Variants in CTNNA3 observed in about 807,000 individuals in gnomAD.
CTNNA3 encodes the protein catenin alpha-3.
In CTNNA3, 76 loss-of-function variants were observed where a neutral mutation model predicts 95.7. That is an observed-to-expected ratio of 0.79 (90% CI 0.66 to 0.96). The LOEUF is 0.96. CTNNA3 is among the 40% of genes least tolerant of loss of function. The pLI, the probability that CTNNA3 is intolerant of heterozygous loss-of-function variation, is 0.00. For synonymous variants in CTNNA3, 431 were observed against 374.4 expected (o/e 1.15, Z -1.74); for missense variants, 1,191 against 1,089.8 (o/e 1.09, Z -1.31).
intron 7 of CTNNA3, among the ~76,000 whole-genome samples, chr10:66,902,671 T>C (rs983309083): frequency 6.6e-6 from 1 of 152,020 alleles, no homozygotes; most frequent in Non-Finnish European, 1.5e-5. Flanking sequence ...AAGAATCAAA[T>C]AGATGCAATA....
intron 2 of CTNNA3, among the ~76,000 whole-genome samples, chr10:67,646,476 T>C (rs1839717275): frequency 1.3e-5 from 2 of 152,114 alleles, no homozygotes; most frequent in South Asian, 4.1e-4. Flanking sequence ...TGTTTTGAAT[T>C]GTCTTTCGAG....
At chr10:67,451,269 T>C (rs986361016) in intron 5 of CTNNA3, among the ~76,000 whole-genome samples, 1 of 152,082 alleles carries the variant, frequency 6.6e-6, no homozygotes, top group Non-Finnish European at 1.5e-5. Context: ...GCCAAATAAA[T>C]ATGTTTTCTT....
intron 14 of CTNNA3, among the ~76,000 whole-genome samples, chr10:66,074,388 A>C (rs1168543054): frequency 6.6e-6 from 1 of 151,958 alleles, no homozygotes; most frequent in African/African-American, 2.4e-5. Context: ...GAATGGAATT[A>C]GTACATCACA....
At chr10:67,232,156 G>C (rs1865242604) in intron 5 of CTNNA3, among the ~76,000 whole-genome samples, 1 of 152,040 alleles carries the variant, frequency 6.6e-6, no homozygotes, top group Non-Finnish European at 1.5e-5. Flanking sequence ...AGGAAATACA[G>C]AGAACGCCAC....
chr10:67,594,731 T>TAA (rs1002662748), intron 3 of CTNNA3, among the ~76,000 whole-genome samples: 2 of 152,170 alleles, frequency 1.3e-5, no homozygotes, highest in Non-Finnish European at 2.9e-5. Context: ...TTTTATTTTT[T>TAA]AAAAAAATTA....
Position 65,975,583 on chromosome 10 carries a change from C to T in CTNNA3, c.2266-8837G>A, listed in dbSNP as rs906214210. Among the ~76,000 whole-genome samples, 8 of 152,184 alleles carry T rather than the reference C, an allele frequency of 5.3e-5. No individual in the cohort carries two copies. In the South Asian group the frequency reaches 1.7e-3, roughly 32 times the overall value. ...TTTACAGATGTGAAATTACCTAAAA[C>T]GATGAAAAACAAGTCATCTCTTTGT... On this transcript the variant is annotated intron_variant, in intron 16 of 17. Coordinates refer to ENST00000433211, the MANE Select transcript of CTNNA3 (RefSeq NM_013266.4).
At chr10:67,549,974 A>C (rs1840967182) in intron 3 of CTNNA3, among the ~76,000 whole-genome samples, 1 of 152,188 alleles carries the variant, frequency 6.6e-6, no homozygotes, top group Non-Finnish European at 1.5e-5. Context: ...TGAACTAATA[A>C]AATTCATAAT....
At chr10:65,922,119 C>T (rs1166458362) in intron 17 of CTNNA3, among the ~76,000 whole-genome samples, 1 of 152,152 alleles carries the variant, frequency 6.6e-6, no homozygotes, top group Non-Finnish European at 1.5e-5. Context: ...TCTGGTTCTA[C>T]CTTGCGTTTT....
intron 3 of CTNNA3, among the ~76,000 whole-genome samples, chr10:67,561,953 T>C (rs1162132669): frequency 6.6e-6 from 1 of 152,070 alleles, no homozygotes; most frequent in Non-Finnish European, 1.5e-5. Context: ...AAGTTGAATC[T>C]CTGAATAGAC....
At chr10:66,980,776 A>G (rs913550445) in intron 7 of CTNNA3, among the ~76,000 whole-genome samples, 1 of 152,206 alleles carries the variant, frequency 6.6e-6, no homozygotes, top group African/African-American at 2.4e-5. Context: ...GACAACCTTC[A>G]TGTACAAGAG....
intron 1 of CTNNA3, among the ~76,000 whole-genome samples, chr10:67,682,158 C>CAAA (rs1042799163): frequency 9.6e-6 from 1 of 103,724 alleles, no homozygotes; most frequent in African/African-American, 3.6e-5. Context: ...AACCCCGTCT[C>CAAA]AAAAAAAAAA....
chr10:67,072,053 C>T (rs1440061302), intron 7 of CTNNA3, among the ~76,000 whole-genome samples: 2 of 152,140 alleles, frequency 1.3e-5, no homozygotes, highest in East Asian at 1.9e-4. Flanking sequence ...CCCAGGTTCA[C>T]GTGATTCTCA....
chr10:66,429,412 C>A (rs2093274735), intron 11 of CTNNA3, among the ~76,000 whole-genome samples: 1 of 142,644 alleles, frequency 7.0e-6, no homozygotes, highest in Non-Finnish European at 1.5e-5. Flanking sequence ...ATGAGGCCAG[C>A]ATCATCCTGA....
At chr10:67,673,662 T>C (rs1795827812) in intron 1 of CTNNA3, among the ~76,000 whole-genome samples, 1 of 149,614 alleles carries the variant, frequency 6.7e-6, no homozygotes, top group Admixed American at 6.6e-5. Context: ...CTGGATTACA[T>C]TTATTGATTT....
chr10:67,087,980 T>C (rs1008906724), intron 7 of CTNNA3, among the ~76,000 whole-genome samples: 9 of 151,956 alleles, frequency 5.9e-5, no homozygotes, highest in African/African-American at 2.2e-4. Context: ...TGGTCTAATA[T>C]GAGATAAAAG....
chr10:67,158,815 T>C (rs937824145), intron 7 of CTNNA3, among the ~76,000 whole-genome samples: 8 of 151,314 alleles, frequency 5.3e-5, no homozygotes, highest in Non-Finnish European at 7.4e-5. Flanking sequence ...AAGTGTACTA[T>C]ATAAATCACT....
intron 9 of CTNNA3, among the ~76,000 whole-genome samples, chr10:66,667,631 C>A (rs1846502992): frequency 6.6e-6 from 1 of 152,104 alleles, no homozygotes; most frequent in Admixed American, 6.5e-5. Flanking sequence ...TTTCTAACAG[C>A]CTAGTAAGCC....
chr10:66,144,763 C>T (rs1408144260), intron 13 of CTNNA3, among the ~76,000 whole-genome samples: 1 of 152,186 alleles, frequency 6.6e-6, no homozygotes, highest in African/African-American at 2.4e-5. Flanking sequence ...GCTGGGATTA[C>T]AGGCGTGAGC....
At chr10:67,051,114 A>C (rs1445232491) in intron 7 of CTNNA3, among the ~76,000 whole-genome samples, 1 of 152,236 alleles carries the variant, frequency 6.6e-6, no homozygotes, top group Non-Finnish European at 1.5e-5. Context: ...ACAGAGATAC[A>C]AGCAATGCCA....
Sources: allele counts gnomAD v4.1 joint callset (sites outside exome capture counted in the v4.1 genomes callset), GRCh38; gene constraint gnomAD v4.1.1; transcripts MANE v1.5; gene names NCBI Gene and HGNC (gene_info 2026-07-23, HGNC 2026-07-21).